BIRC6: variants seen among roughly 807,000 people sequenced by gnomAD.
BIRC6 encodes dual E2 ubiquitin-conjugating enzyme/E3 ubiquitin-protein ligase BIRC6.
A neutral mutation model predicts 503.3 loss-of-function variants in BIRC6; 98 were observed. The ratio of observed to expected loss-of-function variants is 0.19; its 90% CI spans 0.17 to 0.23. BIRC6 has a LOEUF of 0.23. Ranked by LOEUF, BIRC6 falls within the 10% of genes least tolerant of loss-of-function variation. The pLI is 1.00. For missense variants in BIRC6, 5,360 were observed against 5,806.0 expected (o/e 0.92, Z 2.50); for synonymous variants, 2,240 against 2,078.7 (o/e 1.08, Z -2.11).
chr2:32,441,918 A>G, intron 17 of BIRC6, 147 bp from the exon 18 acceptor site: 1 of 533,684 alleles, frequency 1.9e-6, no homozygotes, highest in African/African-American at 1.9e-5. Context: ...CTACAAATGA[A>G]ATACTTGACA....
At chr2:32,587,279 C>T (rs1025790498) in intron 66 of BIRC6, among the ~76,000 whole-genome samples, 3 of 152,064 alleles carry the variant, frequency 2.0e-5, no homozygotes, top group African/African-American at 7.2e-5. Flanking sequence ...CCCAGCTACT[C>T]GGGAGGCTGA....
intron 65 of BIRC6, among the ~76,000 whole-genome samples, chr2:32,567,057 G>A (rs1360799849): frequency 3.9e-5 from 6 of 152,154 alleles, no homozygotes; most frequent in Admixed American, 3.9e-4. Flanking sequence ...TGCAACCTCT[G>A]CCTCCAGGGT....
chr2:32,432,648 T>G (rs2044259529), intron 12 of BIRC6, among the ~76,000 whole-genome samples: 1 of 151,344 alleles, frequency 6.6e-6, no homozygotes, highest in Non-Finnish European at 1.5e-5. Context: ...TGGTCCCAGA[T>G]ACTTGGGAAA....
At chr2:32,441,247 T>C in intron 16 of BIRC6, 82 bp from the exon 17 acceptor site, 1 of 1,049,288 alleles carries the variant, frequency 9.5e-7, no homozygotes, top group Non-Finnish European at 1.4e-6. Context: ...TTCAGTTATT[T>C]TCCTTTATTT....
intron 45 of BIRC6, among the ~76,000 whole-genome samples, chr2:32,495,978 C>T (rs1277201940): frequency 2.0e-5 from 3 of 151,816 alleles, no homozygotes; most frequent in African/African-American, 7.3e-5. Flanking sequence ...GCTGGGACTA[C>T]AGGTGCCTGC....
intron 15 of BIRC6, 47 bp downstream of exon 15, chr2:32,436,231 G>C: frequency 7.5e-7 from 1 of 1,331,376 alleles, no homozygotes; most frequent in East Asian, 2.8e-5. Context: ...TACCACAGTT[G>C]TAAAAAAGAC....
chr2:32,498,946 C>T (rs568274921), intron 45 of BIRC6, among the ~76,000 whole-genome samples: 153 of 152,216 alleles, frequency 1.0e-3, no homozygotes, highest in African/African-American at 3.0e-3. Flanking sequence ...AACTTCCTGG[C>T]GCCACAAGTG....
Position 32,471,347 on chromosome 2 carries a change from C to T in BIRC6, c.6592+223C>T, listed in dbSNP as rs115676694. Among the ~76,000 whole-genome samples, 1,118 of 152,306 alleles carry T rather than the reference C, an allele frequency of 7.3e-3. 7 individuals carry two copies. The highest frequency in any genetic ancestry group is 0.014 in the Middle Eastern group (4 of 294). ...GACAAGCTCCTTTGTCTGGACATGA[C>T]TTTTAGTTTCTAAATGCAGCTATGA... On this transcript the variant is annotated intron_variant, in intron 32 of 73. Transcript: ENST00000421745.
intron 6 of BIRC6, among the ~76,000 whole-genome samples, chr2:32,397,574 C>CTGTGTGTGTG (rs147651911): frequency 0.018 from 2,416 of 138,012 alleles, 34 homozygotes; most frequent in African/African-American, 0.035. Flanking sequence ...CCCGTAAAGG[C>CTGTGTGTGTG]TGTGTGTGTG....
intron 6 of BIRC6, among the ~76,000 whole-genome samples, chr2:32,400,767 T>C (rs1197694530): frequency 2.0e-5 from 3 of 152,208 alleles, no homozygotes; most frequent in African/African-American, 7.2e-5. Context: ...TGGCCCCTGA[T>C]AGATATGGAG....
At chr2:32,398,299 C>T (rs576561253) in intron 6 of BIRC6, among the ~76,000 whole-genome samples, 2 of 152,228 alleles carry the variant, frequency 1.3e-5, no homozygotes, top group South Asian at 4.1e-4. Context: ...AAATGCCAAT[C>T]AGGAGGGGAA....
chr2:32,369,980 ATATATG>A (rs1450763092), intron 1 of BIRC6, among the ~76,000 whole-genome samples: 839 of 49,554 alleles, frequency 0.017, 3 homozygotes, highest in East Asian at 0.031. Flanking sequence ...ATATATATAT[ATATATG>A]TATGTATGTA....
chr2:32,506,112 G>A (rs1375694286), intron 50 of BIRC6, among the ~76,000 whole-genome samples: 1 of 152,132 alleles, frequency 6.6e-6, no homozygotes, highest in Non-Finnish European at 1.5e-5. Flanking sequence ...GCCTCCTAAA[G>A]TGCTGAGATT....
chr2:32,588,723 A>G (rs1414887001), intron 66 of BIRC6, among the ~76,000 whole-genome samples: 1 of 152,240 alleles, frequency 6.6e-6, no homozygotes, highest in Non-Finnish European at 1.5e-5. Flanking sequence ...ACTTGAAAGT[A>G]ACTCTCAGTT....
intron 65 of BIRC6, among the ~76,000 whole-genome samples, chr2:32,562,148 T>G (rs1405898920): frequency 6.6e-6 from 1 of 152,232 alleles, no homozygotes; most frequent in South Asian, 2.1e-4. Flanking sequence ...CTCTTCCTTA[T>G]TGAACTTTAG....
At chr2:32,612,231 T>C (rs949772020) in intron 73 of BIRC6, among the ~76,000 whole-genome samples, 6 of 152,138 alleles carry the variant, frequency 3.9e-5, no homozygotes, top group Non-Finnish European at 8.8e-5. Context: ...ATTTTATTAC[T>C]TGGAGTGATG....
At chr2:32,599,648 G>A in intron 69 of BIRC6, 91 bp from the exon 70 acceptor site, 1 of 1,373,090 alleles carries the variant, frequency 7.3e-7, no homozygotes, top group East Asian at 2.3e-5. Context: ...CAAAAACGAA[G>A]GTTGTTCTTA....
intron 8 of BIRC6, among the ~76,000 whole-genome samples, chr2:32,403,728 T>C (rs980289521): frequency 6.6e-6 from 1 of 152,194 alleles, no homozygotes; most frequent in Non-Finnish European, 1.5e-5. Flanking sequence ...TTTTGCATGT[T>C]TATTGCTTTG....
chr2:32,601,097 G>T (rs984461685), intron 70 of BIRC6, among the ~76,000 whole-genome samples: 1 of 152,212 alleles, frequency 6.6e-6, no homozygotes, highest in African/African-American at 2.4e-5. Context: ...TGTGGCCTGC[G>T]GGTTGCACAA....
Sources: allele counts gnomAD v4.1 joint callset (sites outside exome capture counted in the v4.1 genomes callset), GRCh38; gene constraint gnomAD v4.1.1; transcripts MANE v1.5; gene names NCBI Gene and HGNC (gene_info 2026-07-23, HGNC 2026-07-21).